The following MET variants were observed in gnomAD, a reference collection of about 807,000 sequenced individuals.
MET encodes MET proto-oncogene, receptor tyrosine kinase.
MET carries 48 observed loss-of-function variants against 133.1 expected under a neutral mutation model. The ratio of observed to expected loss-of-function variants is 0.36; its 90% confidence interval spans 0.29 to 0.46. The LOEUF (loss-of-function observed/expected upper bound fraction) is 0.46, where lower values mean the gene tolerates loss of function less well. Among genes scored for constraint, MET ranks in the 20% least tolerant of loss-of-function variants. The pLI is 1.00. For missense variants in MET, 1,442 were observed against 1,695.9 expected (o/e 0.85, Z 2.63); for synonymous variants, 628 against 616.5 (o/e 1.02, Z -0.28).
intron 16 of MET, 103 bp from the exon 17 acceptor site, chr7:116,778,673 C>A: frequency 2.5e-6 from 3 of 1,207,916 alleles, no homozygotes; most frequent in South Asian, 2.5e-5. Flanking sequence ...GGACAAGATG[C>A]TAACTGTGTG....
rs2116835879 is a variant in MET, at chr7:116,740,934, A to G, written c.1610A>G (p.Gln537Arg). The part of the protein sequence containing the change: ...SQCLSAPPFV[Q>R]CGWCHDKCVR... ...TGCCTCTCTGCCCCACCCTTTGTTC[A>G]GTGTGGCTGGTGCCACGACAAATGT... is the stretch of plus-strand genomic sequence containing the variant. The change falls in exon 5 of 21, where the codon CAG becomes CGG. Residue 537 changes from glutamine to arginine, a missense_variant. Physicochemically the swap from Gln to Arg is conservative, Grantham distance 43 (BLOSUM62 1). Coordinates refer to ENST00000397752, the MANE Select transcript of MET (RefSeq NM_000245.4). 10 of 1,614,174 alleles carry G rather than the reference A, an allele frequency of 6.2e-6. No homozygotes were observed. Among genetic ancestry groups the G allele is most frequent in the Non-Finnish European group, 8.5e-6 (10 of 1,180,038 alleles).
intron 15 of MET, among the ~76,000 whole-genome samples, chr7:116,776,637 G>A (rs1338737794): frequency 1.3e-5 from 2 of 152,180 alleles, no homozygotes; most frequent in Non-Finnish European, 2.9e-5. Context: ...CCTAATGCCT[G>A]ACACTCACAT....
chr7:116,726,581 T>G (rs1792794699), intron 2 of MET, among the ~76,000 whole-genome samples: 2 of 151,960 alleles, frequency 1.3e-5, no homozygotes, highest in Non-Finnish European at 2.9e-5. Context: ...GAGCAAGGAA[T>G]GGGTGTCAGT....
Position 116,672,323 on chromosome 7 carries a change from G to C in MET, c.-269G>C. 1 of 273,102 alleles carries C rather than the reference G, an allele frequency of 3.7e-6. No individual in the cohort carries two copies. Among genetic ancestry groups the C allele is most frequent in the Non-Finnish European group, 6.8e-6 (1 of 146,576 alleles). The allele number at this position is 273,102 out of a possible 1,614,324, so 16.9% of individuals were successfully genotyped here. ...CCGGCTGAGTCACTGGCAGGGCAGC[G>C]CGCGTGTGGGAAGGGGCGGAGGGAG... On this transcript the variant is annotated 5_prime_UTR_variant, in exon 1 of 21. Coordinates refer to ENST00000397752, the MANE Select transcript of MET (RefSeq NM_000245.4).
intron 6 of MET, among the ~76,000 whole-genome samples, chr7:116,755,762 A>T (rs1195186990): frequency 6.6e-6 from 1 of 152,170 alleles, no homozygotes; most frequent in Non-Finnish European, 1.5e-5. Flanking sequence ...TTTCTCAACC[A>T]TTTATGCGAC....
chr7:116,728,342 C>T (rs1161341747), intron 2 of MET, among the ~76,000 whole-genome samples: 2 of 151,998 alleles, frequency 1.3e-5, no homozygotes, highest in Non-Finnish European at 2.9e-5. Context: ...CCTATTAGTT[C>T]TTGAGGAGAT....
chr7:116,709,346 T>C (rs1319645354), intron 2 of MET, among the ~76,000 whole-genome samples: 2 of 152,246 alleles, frequency 1.3e-5, no homozygotes, highest in East Asian at 3.8e-4. Context: ...AACAATAGTG[T>C]TGATTTTATT....
intron 2 of MET, among the ~76,000 whole-genome samples, chr7:116,721,856 G>A (rs538362083): frequency 6.6e-6 from 1 of 152,266 alleles, no homozygotes; most frequent in African/African-American, 2.4e-5. Context: ...GAGATAGTTT[G>A]TTATAATCTC....
At position 116,755,381 on chromosome 7, in the gene MET, A is replaced by T. The variant is rs2116908984; in HGVS notation, c.1728A>T (p.Glu576Asp). 1 of 1,614,096 alleles carries T rather than the reference A, an allele frequency of 6.2e-7. No individual in the cohort carries two copies. Among genetic ancestry groups the T allele is most frequent in the Non-Finnish European group, 8.5e-7 (1 of 1,179,996 alleles). The change falls in exon 6 of 21, where the codon GAA becomes GAT. Residue 576 changes from glutamate (E) to aspartate (D), a missense_variant. Physicochemically the swap from Glu to Asp is conservative, Grantham distance 45. Transcript: ENST00000397752. ...YKVFPNSAPL[E>D]GGTRLTICGW... is the part of the protein sequence containing the mutation. ...TTTTCCCAAATAGTGCACCCCTTGA[A>T]GGAGGGACAAGGCTGACCATATGTG...
At position 116,740,066 on chromosome 7, in the gene MET, G is replaced by T. The variant is rs1167116930; in HGVS notation, c.1509G>T (p.Leu503=). The T allele has an allele frequency of 6.2e-7, 1 of 1,614,044 alleles. No homozygotes were observed. Among genetic ancestry groups the T allele is most frequent in the South Asian group, 1.1e-5 (1 of 91,080 alleles). ...EHTLNQNGYT[L]VITGKKITKI... is the part of the protein sequence containing the mutation. ...CATTAAACCAAAATGGCTACACACT[G>T]GTTATCACTGGGAAGAAGGTAAGCT... is the stretch of plus-strand genomic sequence containing the variant. Residue 503 remains leucine, a synonymous_variant, in exon 4 of 21, where the codon CTG becomes CTT. Transcript: ENST00000397752.
chr7:116,697,879 G>A (rs1281512769), intron 1 of MET, among the ~76,000 whole-genome samples: 1 of 152,142 alleles, frequency 6.6e-6, no homozygotes, highest in African/African-American at 2.4e-5. Context: ...CAGCATATAT[G>A]TGTTATCACT....
In MET at chr7:116,718,097, T is replaced by C. The variant is rs547571299; in HGVS notation, c.1201-13571T>C. 9.7e-4 allele frequency among the ~76,000 whole-genome samples: 147 copies of C among 152,164 alleles called. 1 individual carries two copies. Among genetic ancestry groups the C allele is most frequent in the African/African-American group, 3.4e-3 (142 of 41,518 alleles). ...TTTGCAACAAGTTTTTAAAAAATAA[T>C]AAAACAGGAGGCAGGGCACGGTGGC... On this transcript the variant is annotated intron_variant, in intron 2 of 20. Transcript: ENST00000397752.
intron 16 of MET, among the ~76,000 whole-genome samples, chr7:116,778,563 T>C (rs1562933551): frequency 1.3e-5 from 2 of 152,152 alleles, no homozygotes; most frequent in Admixed American, 6.5e-5. Context: ...GGACTCTATC[T>C]TGCAAAAGTG....
intron 5 of MET, 27 bp downstream of exon 5, chr7:116,741,052 A>C (rs1411623614): frequency 6.3e-7 from 1 of 1,582,894 alleles, no homozygotes; most frequent in Admixed American, 1.7e-5. Context: ...GCTGGCATAC[A>C]TGTTTTTGTT....
At position 116,700,295 on chromosome 7, in the gene MET, TC is replaced by T; in HGVS notation, c.1200+12del. On this transcript the variant is annotated intron_variant, in intron 2 of 20. Transcript: ENST00000397752. ...CACTGCTTTAATAGGGTAAGTCACA[TC>T]AGTTCCCCACTTATAAACTGTGAGG... 2 of 1,600,596 alleles carry T rather than the reference TC, an allele frequency of 1.2e-6. No individual in the cohort carries two copies. Among genetic ancestry groups the T allele is most frequent in the Non-Finnish European group, 8.5e-7 (1 of 1,178,742 alleles).
intron 5 of MET, among the ~76,000 whole-genome samples, chr7:116,743,345 C>T (rs1403887434): frequency 1.3e-5 from 2 of 152,256 alleles, no homozygotes; most frequent in South Asian, 4.1e-4. Context: ...TTTTTTCATA[C>T]CCCAGTGGTG....
At chr7:116,734,783 C>A (rs1793149488) in intron 3 of MET, among the ~76,000 whole-genome samples, 1 of 152,148 alleles carries the variant, frequency 6.6e-6, no homozygotes, top group Non-Finnish European at 1.5e-5. Context: ...AGATGTAGAA[C>A]AGAGTCAGAC....
At chr7:116,729,413 A>T (rs980976906) in intron 2 of MET, among the ~76,000 whole-genome samples, 1 of 151,956 alleles carries the variant, frequency 6.6e-6, no homozygotes, top group Non-Finnish European at 1.5e-5. Flanking sequence ...AGATGTAAAA[A>T]CTCTGGATTG....
intron 5 of MET, among the ~76,000 whole-genome samples, chr7:116,750,417 A>G (rs908102068): frequency 3.3e-5 from 5 of 152,356 alleles, no homozygotes; most frequent in Non-Finnish European, 7.3e-5. Context: ...CTTACACCTT[A>G]TACAAAAATT....
Sources: allele counts gnomAD v4.1 joint callset (sites outside exome capture counted in the v4.1 genomes callset), GRCh38; gene constraint gnomAD v4.1.1; transcripts MANE v1.5; gene names NCBI Gene and HGNC (gene_info 2026-07-23, HGNC 2026-07-21).